CAMK2D: variants seen among roughly 807,000 people sequenced by gnomAD.
CAMK2D encodes the protein calcium/calmodulin-dependent protein kinase type II subunit delta.
A neutral mutation model predicts 84.0 loss-of-function variants in CAMK2D; 37 were observed. The ratio of observed to expected loss-of-function variants is 0.44; its 90% CI spans 0.34 to 0.58. The LOEUF (loss-of-function observed/expected upper bound fraction) is 0.58, where lower values mean the gene tolerates loss of function less well. CAMK2D is among the 20% of genes least tolerant of loss of function. The pLI is 0.02. For missense variants in CAMK2D, 448 were observed against 652.5 expected (o/e 0.69, Z 3.41); for synonymous variants, 202 against 212.5 (o/e 0.95, Z 0.43).
intron 4 of CAMK2D, among the ~76,000 whole-genome samples, chr4:113,586,905 C>T (rs575559373): frequency 2.0e-5 from 3 of 152,246 alleles, no homozygotes; most frequent in Admixed American, 6.5e-5. Flanking sequence ...ATACAAAAAA[C>T]AGTTTGAATA....
intron 7 of CAMK2D, 48 bp downstream of exon 7, chr4:113,537,293 C>T: frequency 1.1e-6 from 1 of 939,144 alleles, no homozygotes; most frequent in Non-Finnish European, 1.7e-6. Context: ...AGCCAGAATT[C>T]AGAAGCCAGA....
intron 2 of CAMK2D, among the ~76,000 whole-genome samples, chr4:113,677,104 C>T (rs543498208): frequency 1.1e-4 from 17 of 152,160 alleles, no homozygotes; most frequent in African/African-American, 3.9e-4. Flanking sequence ...GAATACTAAT[C>T]GCTCCTCTGT....
chr4:113,552,012 C>T lies in CAMK2D; in HGVS notation c.341+19G>A, dbSNP rs957234990. ...TTTGAATGTTGAGTCTTGTATCTTG[C>T]CCAGGGCAAGTCACTTACCTGGCAT... is the stretch of plus-strand genomic sequence containing the variant. On this transcript the variant is annotated intron_variant, in intron 5 of 20. Coordinates refer to ENST00000511664, the MANE Select transcript of CAMK2D (RefSeq NM_001321571.2). 2.2e-6 allele frequency: 3 copies of T among 1,377,032 alleles called. No homozygotes were observed. The highest frequency in any genetic ancestry group is 1.8e-5 in the Admixed American group (1 of 54,352). 85.3% of individuals were successfully genotyped at this position (1,377,032 alleles called of 1,614,324 possible).
At chr4:113,713,178 T>G (rs1003936850) in intron 2 of CAMK2D, among the ~76,000 whole-genome samples, 2 of 151,932 alleles carry the variant, frequency 1.3e-5, no homozygotes, top group Non-Finnish European at 2.9e-5. Context: ...TTACAAACAG[T>G]CCTGAATGAC....
intron 4 of CAMK2D, among the ~76,000 whole-genome samples, chr4:113,559,200 C>T (rs534225562): frequency 6.6e-6 from 1 of 152,004 alleles, no homozygotes; most frequent in South Asian, 2.1e-4. Context: ...ATAGAGAAGT[C>T]CATCTAATTA....
chr4:113,465,349 T>C (rs1175979085), intron 17 of CAMK2D, among the ~76,000 whole-genome samples, 180 bp downstream of exon 17: 1 of 150,284 alleles, frequency 6.7e-6, no homozygotes, highest in African/African-American at 2.4e-5. Context: ...ATCTTTTCTC[T>C]GAAATTTTCT....
At chr4:113,584,832 A>T (rs1017481403) in intron 4 of CAMK2D, among the ~76,000 whole-genome samples, 1 of 152,150 alleles carries the variant, frequency 6.6e-6, no homozygotes, top group African/African-American at 2.4e-5. Flanking sequence ...AAAATAAAAG[A>T]TATTAATGAT....
At chr4:113,605,908 G>A (rs536069763) in intron 4 of CAMK2D, among the ~76,000 whole-genome samples, 1 of 152,092 alleles carries the variant, frequency 6.6e-6, no homozygotes, top group South Asian at 2.1e-4. Flanking sequence ...CAAATGTTCA[G>A]GATATAATCC....
At chr4:113,567,104 G>A (rs997578979) in intron 4 of CAMK2D, among the ~76,000 whole-genome samples, 12 of 151,232 alleles carry the variant, frequency 7.9e-5, no homozygotes, top group African/African-American at 2.7e-4. Context: ...GAGTCAAGCC[G>A]TGAACATTAT....
intron 3 of CAMK2D, among the ~76,000 whole-genome samples, chr4:113,615,247 A>C (rs1171367886): frequency 6.6e-6 from 1 of 152,160 alleles, no homozygotes; most frequent in Non-Finnish European, 1.5e-5. Context: ...GCCAACATTA[A>C]GTTCATTTGT....
intron 8 of CAMK2D, among the ~76,000 whole-genome samples, chr4:113,526,640 GA>G (rs2154178907): frequency 6.6e-6 from 1 of 151,770 alleles, no homozygotes; most frequent in Non-Finnish European, 1.5e-5. Context: ...ACTATTATAA[GA>G]TATTCCATTA....
At chr4:113,466,120 G>C (rs2097459661) in intron 16 of CAMK2D, among the ~76,000 whole-genome samples, 1 of 151,798 alleles carries the variant, frequency 6.6e-6, no homozygotes, top group Non-Finnish European at 1.5e-5. Context: ...GCCGGGCTTG[G>C]TGGCGCATGC....
intron 4 of CAMK2D, among the ~76,000 whole-genome samples, chr4:113,560,247 T>C (rs959857538): frequency 6.6e-6 from 1 of 151,898 alleles, no homozygotes; most frequent in African/African-American, 2.4e-5. Flanking sequence ...TTTTTTTTCC[T>C]GAAAATACAA....
chr4:113,564,588 C>T (rs1211689753), intron 4 of CAMK2D, among the ~76,000 whole-genome samples: 6 of 152,120 alleles, frequency 3.9e-5, no homozygotes, highest in South Asian at 2.1e-4. Flanking sequence ...CCATGTCTTA[C>T]TTATTTTTGG....
intron 16 of CAMK2D, among the ~76,000 whole-genome samples, chr4:113,498,121 G>A (rs1353585769): frequency 6.6e-6 from 1 of 152,024 alleles, no homozygotes; most frequent in Admixed American, 6.6e-5. Flanking sequence ...CAACAGAGCT[G>A]GACAATAAAC....
chr4:113,680,530 G>A (rs766910375), intron 2 of CAMK2D, among the ~76,000 whole-genome samples: 7 of 151,824 alleles, frequency 4.6e-5, no homozygotes, highest in African/African-American at 1.5e-4. Context: ...CAGTTCTTTC[G>A]TAGGACATGA....
At chr4:113,737,661 TA>T (rs1211924633) in intron 2 of CAMK2D, among the ~76,000 whole-genome samples, 3 of 152,204 alleles carry the variant, frequency 2.0e-5, no homozygotes, top group Non-Finnish European at 4.4e-5. Context: ...TATTTTTCCA[TA>T]ATATAAAAAA....
chr4:113,568,008 A>T (rs959553461), intron 4 of CAMK2D, among the ~76,000 whole-genome samples: 1 of 152,216 alleles, frequency 6.6e-6, no homozygotes, highest in Non-Finnish European at 1.5e-5. Context: ...AAACCATAAG[A>T]TTTATTAATA....
At chr4:113,533,509 T>C (rs1173420984) in intron 7 of CAMK2D, among the ~76,000 whole-genome samples, 1 of 151,980 alleles carries the variant, frequency 6.6e-6, no homozygotes, top group East Asian at 1.9e-4. Flanking sequence ...AAAATCAAAA[T>C]AGATAACACA....
Sources: gnomAD v4.1 joint callset for allele counts (sites outside exome capture counted in the v4.1 genomes callset) on GRCh38, gnomAD v4.1.1 for gene constraint, MANE v1.5 for transcripts, NCBI Gene and HGNC (gene_info 2026-07-23, HGNC 2026-07-21) for gene names.